SLCO3A1: variants seen among roughly 807,000 people sequenced by gnomAD.
SLCO3A1 encodes solute carrier organic anion transporter family member 3A1.
Under a neutral mutation model 63.1 loss-of-function variants are expected in SLCO3A1, and 27 were observed. That is an observed-to-expected ratio of 0.43 (90% CI 0.32 to 0.59). The LOEUF (loss-of-function observed/expected upper bound fraction) is 0.59, where lower values mean the gene tolerates loss of function less well. SLCO3A1 is among the 20% of genes least tolerant of loss of function. SLCO3A1 has a pLI of 0.09. For missense variants in SLCO3A1, 773 were observed against 945.8 expected, an observed-to-expected ratio of 0.82 and a Z score of 2.40; for synonymous variants, 473 against 409.9, an observed-to-expected ratio of 1.15 and a Z score of -1.86.
chr15:91,976,759 A>G (rs1349169724), intron 2 of SLCO3A1, among the ~76,000 whole-genome samples: 1 of 152,188 alleles, frequency 6.6e-6, no homozygotes, highest in Non-Finnish European at 1.5e-5. Context: ...GATGCCCCAC[A>G]AGCCGCAAAA....
At chr15:91,874,527 A>T (rs750984580) in intron 1 of SLCO3A1, among the ~76,000 whole-genome samples, 1 of 152,210 alleles carries the variant, frequency 6.6e-6, no homozygotes, top group Non-Finnish European at 1.5e-5. Flanking sequence ...TGTTTCAGTC[A>T]GCATAATGTC....
chr15:91,902,654 T>A (rs1463963669), intron 1 of SLCO3A1, among the ~76,000 whole-genome samples: 2 of 152,112 alleles, frequency 1.3e-5, no homozygotes, highest in Non-Finnish European at 2.9e-5. Context: ...GTATGTTTTG[T>A]CCAGAGTCTT....
At chr15:91,969,303 A>G (rs1167161108) in intron 2 of SLCO3A1, among the ~76,000 whole-genome samples, 1 of 145,324 alleles carries the variant, frequency 6.9e-6, no homozygotes, top group Non-Finnish European at 1.5e-5. Context: ...TTGTCTGTAT[A>G]TATATAATTT....
At chr15:91,970,818 C>T (rs1900830945) in intron 2 of SLCO3A1, among the ~76,000 whole-genome samples, 1 of 152,072 alleles carries the variant, frequency 6.6e-6, no homozygotes, top group Non-Finnish European at 1.5e-5. Flanking sequence ...ACAGAGCTTC[C>T]ACCTGTGTAC....
intron 2 of SLCO3A1, among the ~76,000 whole-genome samples, chr15:92,052,311 G>T (rs2046967643): frequency 6.6e-6 from 1 of 152,184 alleles, no homozygotes; most frequent in Non-Finnish European, 1.5e-5. Flanking sequence ...TCAGGAAAGA[G>T]GGTGAGCAAT....
chr15:92,062,931 C>A (rs781459578), intron 2 of SLCO3A1, among the ~76,000 whole-genome samples: 5 of 152,198 alleles, frequency 3.3e-5, no homozygotes, highest in African/African-American at 4.8e-5. Flanking sequence ...AGGTACAGCT[C>A]TGTGGACCCA....
At chr15:92,123,996 C>A (rs1282455265) in intron 5 of SLCO3A1, among the ~76,000 whole-genome samples, 3 of 152,202 alleles carry the variant, frequency 2.0e-5, no homozygotes, top group Non-Finnish European at 2.9e-5. Context: ...TCTGTGTGTG[C>A]CCTGCCCTTG....
chr15:91,978,365 C>T (rs1901199051), intron 2 of SLCO3A1, among the ~76,000 whole-genome samples: 1 of 152,174 alleles, frequency 6.6e-6, no homozygotes. Flanking sequence ...GCACTGTGCA[C>T]AAGTGTCTGG....
intron 4 of SLCO3A1, among the ~76,000 whole-genome samples, chr15:92,115,802 A>C (rs2047787505): frequency 9.6e-6 from 1 of 104,150 alleles, no homozygotes; most frequent in Non-Finnish European, 1.8e-5. Flanking sequence ...TCTCTTCCCT[A>C]GTTCTCTTCC....
At chr15:91,902,055 G>A (rs1218035479) in intron 1 of SLCO3A1, among the ~76,000 whole-genome samples, 1 of 151,712 alleles carries the variant, frequency 6.6e-6, no homozygotes, top group Non-Finnish European at 1.5e-5. Flanking sequence ...TATTTTCCAA[G>A]TTTACTGATT....
chr15:92,128,324 G>A lies in SLCO3A1; in HGVS notation c.1374-27G>A, dbSNP rs2047950376. On this transcript the variant is annotated intron_variant, in intron 6 of 9. Transcript: ENST00000318445. ...GATTCCGAATTGACCTGTTTCTAAT[G>A]GCTTCCGTGTTTCCTTTCTTTTCCA... 4 of 1,613,472 alleles carry A rather than the reference G, an allele frequency of 2.5e-6. No individual in the cohort carries two copies. The African/African-American group carries it at 5.3e-5, about 22-fold the overall frequency.
intron 7 of SLCO3A1, among the ~76,000 whole-genome samples, chr15:92,132,798 A>T (rs1266956679): frequency 2.1e-5 from 3 of 144,510 alleles, no homozygotes; most frequent in Admixed American, 2.1e-4. Context: ...GGCGGGGAGG[A>T]GGACAGCTCC....
rs374890345 is a variant in SLCO3A1 at position 91,896,750 on chromosome 15, T to A, written c.181-19243T>A. ...AATTACCCAGTCTCAGGTATGTCTT[T>A]ATTAGCAGTGTGAGAACAGACTAAT... On this transcript the variant is annotated intron_variant, in intron 1 of 9. Transcript: ENST00000318445. Among the ~76,000 whole-genome samples the A allele has an allele frequency of 2.6e-4, 39 of 152,334 alleles. 1 individual carries two copies. In the South Asian group the frequency reaches 8.1e-3, roughly 32 times the overall value.
At chr15:92,147,478 G>A (rs1037117426) in intron 8 of SLCO3A1, among the ~76,000 whole-genome samples, 6 of 152,092 alleles carry the variant, frequency 3.9e-5, no homozygotes, top group Admixed American at 6.6e-5. Flanking sequence ...TGAAAGTGGC[G>A]TCAGTGCCCA....
At chr15:91,907,315 C>T (rs1028575628) in intron 1 of SLCO3A1, among the ~76,000 whole-genome samples, 1 of 152,088 alleles carries the variant, frequency 6.6e-6, no homozygotes, top group Non-Finnish European at 1.5e-5. Flanking sequence ...AAGCAATTCT[C>T]CTGCCTCAGC....
At position 91,874,302 on chromosome 15, in the gene SLCO3A1, C is replaced by T. The variant is rs568280259; in HGVS notation, c.180+20214C>T. On this transcript the variant is annotated intron_variant, in intron 1 of 9. Transcript: ENST00000318445. Reference sequence around the variant, plus strand: ...ACTTGGAAGTGAAACTCTGGATAAGCGGGGACTCCTACATTAAGTATATTC... The same window carrying T: ...ACTTGGAAGTGAAACTCTGGATAAGTGGGGACTCCTACATTAAGTATATTC... Among the ~76,000 whole-genome samples, 9 of 152,192 alleles carry T rather than the reference C, an allele frequency of 5.9e-5. No homozygotes were observed. In the South Asian group the frequency reaches 6.2e-4, roughly 11 times the overall value.
intron 8 of SLCO3A1, among the ~76,000 whole-genome samples, chr15:92,147,630 G>A (rs2048245575): frequency 6.6e-6 from 1 of 152,162 alleles, no homozygotes; most frequent in African/African-American, 2.4e-5. Flanking sequence ...GACCATGTGT[G>A]TGCAAACACA....
chr15:92,028,932 TG>T (rs1238165648), intron 2 of SLCO3A1, among the ~76,000 whole-genome samples: 2 of 151,548 alleles, frequency 1.3e-5, no homozygotes, highest in Non-Finnish European at 2.9e-5. Flanking sequence ...TGTGTGTGTG[TG>T]TGTGTGTGTG....
chr15:92,066,006 G>A (rs1011015140), intron 2 of SLCO3A1, among the ~76,000 whole-genome samples: 9 of 152,190 alleles, frequency 5.9e-5, no homozygotes, highest in South Asian at 2.1e-4. Flanking sequence ...GCTTTCTTAC[G>A]GGCAACATTC....
Sources: allele counts gnomAD v4.1 joint callset (sites outside exome capture counted in the v4.1 genomes callset), GRCh38; gene constraint gnomAD v4.1.1; transcripts MANE v1.5; gene names NCBI Gene and HGNC (gene_info 2026-07-23, HGNC 2026-07-21).